Variants in ING5 observed in about 807,000 individuals in gnomAD.
ING5 encodes the protein inhibitor of growth family member 5.
ING5 carries 17 observed loss-of-function variants against 37.4 expected under a neutral mutation model. The observed-to-expected ratio is 0.45, with a 90% CI of 0.31 to 0.68. The LOEUF (loss-of-function observed/expected upper bound fraction) is 0.68. Among genes scored for constraint, ING5 ranks in the 30% least tolerant of loss-of-function variants. The pLI is 0.05. For missense variants in ING5, 233 were observed against 311.9 expected, an observed-to-expected ratio of 0.75 and a Z score of 1.91; for synonymous variants, 123 against 116.6, an observed-to-expected ratio of 1.06 and a Z score of -0.36.
chr2:241,699,041 G>T (rs368302439), upstream of ING5, among the ~76,000 whole-genome samples: 5 of 126,886 alleles, frequency 3.9e-5, no homozygotes, highest in South Asian at 2.5e-4. Flanking sequence ...TTTTTTTTGG[G>T]GGGGGAGGGG....
chr2:241,715,811 T>C (rs1206126479), intron 5 of ING5, among the ~76,000 whole-genome samples: 1 of 150,134 alleles, frequency 6.7e-6, no homozygotes, highest in Non-Finnish European at 1.5e-5. Context: ...TCATGCTACT[T>C]CTTTGCCCTA....
At chr2:241,721,295 C>T (rs1026930502) in intron 5 of ING5, 1 of 985,358 alleles carries the variant, frequency 1.0e-6, no homozygotes, top group African/African-American at 1.7e-5. Flanking sequence ...GAGACTGTTG[C>T]TTGAAAGCAG....
At chr2:241,701,120 A>ATT (rs529886209), upstream of ING5, among the ~76,000 whole-genome samples, 13,649 of 136,366 alleles carry the variant, frequency 0.1, 919 homozygotes, top group East Asian at 0.29. Flanking sequence ...CGCTTGGCTA[A>ATT]TTTTTTTTTT....
intron 5 of ING5, chr2:241,720,693 G>A (rs916928381): frequency 2.9e-5 from 29 of 985,598 alleles, no homozygotes; most frequent in Non-Finnish European, 3.4e-5. Flanking sequence ...TCTGGCGAGG[G>A]GTGCCTGCCA....
At chr2:241,718,666 T>A (rs944979909) in intron 5 of ING5, among the ~76,000 whole-genome samples, 3 of 152,082 alleles carry the variant, frequency 2.0e-5, no homozygotes, top group Non-Finnish European at 4.4e-5. Flanking sequence ...TCTGCCTGTT[T>A]TTGGCCTCCC....
intron 2 of ING5, among the ~76,000 whole-genome samples, chr2:241,707,436 A>G (rs1327180266): frequency 6.6e-6 from 1 of 151,954 alleles, no homozygotes; most frequent in Non-Finnish European, 1.5e-5. Context: ...GATTACAGGC[A>G]TGCGCCACCA....
chr2:241,721,306 T>G (rs2070429376), intron 5 of ING5: 3 of 985,468 alleles, frequency 3.0e-6, no homozygotes, highest in Non-Finnish European at 3.6e-6. Context: ...TTGAAAGCAG[T>G]GTCGGCAGCA....
At chr2:241,691,262 AAC>A (rs1442204794) in intron 2 of ING5, among the ~76,000 whole-genome samples, 1 of 151,576 alleles carries the variant, frequency 6.6e-6, no homozygotes, top group African/African-American at 2.4e-5. Flanking sequence ...AACATGGTGA[AAC>A]ACCGTCTCTA....
exon 1 of ING5, chr2:241,687,350 C>T (rs150596539): frequency 9.4e-4 from 373 of 398,814 alleles, no homozygotes; most frequent in South Asian, 3.2e-3. Context: ...CAAAGCTCAC[C>T]TGGAGCCCAG....
chr2:241,702,112 C>G lies in ING5; in HGVS notation c.37+10C>G. On this transcript the variant is annotated intron_variant, in intron 1 of 7. Transcript: ENST00000313552. Reference sequence around the variant, plus strand: ...GAGCACTATCTGGACAGTAAGCGCGCCCCACGGGCCCCGCGCCCGCCGCCC... The same window carrying G: ...GAGCACTATCTGGACAGTAAGCGCGGCCCACGGGCCCCGCGCCCGCCGCCC... 3.0e-6 allele frequency: 4 copies of G among 1,318,340 alleles called. No homozygotes were observed. Among genetic ancestry groups the G allele is most frequent in the Middle Eastern group, 2.0e-4 (1 of 4,914 alleles). The allele number at this position is 1,318,340 out of a possible 1,614,324, so 81.7% of individuals were successfully genotyped here.
At chr2:241,717,024 A>G (rs886890913) in intron 5 of ING5, among the ~76,000 whole-genome samples, 8 of 151,500 alleles carry the variant, frequency 5.3e-5, no homozygotes, top group African/African-American at 1.9e-4. Context: ...TCTCACCACA[A>G]AAGTCACCCC....
intron 2 of ING5, among the ~76,000 whole-genome samples, chr2:241,708,407 T>C (rs1249799897): frequency 2.0e-5 from 3 of 147,516 alleles, no homozygotes; most frequent in South Asian, 4.3e-4. Flanking sequence ...CGGGGTTTCA[T>C]CAAGTTAGCC....
At chr2:241,708,443 G>A (rs1057425386) in intron 2 of ING5, among the ~76,000 whole-genome samples, 7 of 151,864 alleles carry the variant, frequency 4.6e-5, no homozygotes, top group Admixed American at 2.0e-4. Context: ...TCCTGACCTC[G>A]TGATCTGCCC....
chr2:241,719,525 A>G, intron 5 of ING5: 2 of 1,534,834 alleles, frequency 1.3e-6, no homozygotes, highest in South Asian at 2.4e-5. Flanking sequence ...CCTGCTCGGA[A>G]CCTGAAGGCC....
intron 5 of ING5, among the ~76,000 whole-genome samples, chr2:241,714,678 G>A (rs1440503809): frequency 1.3e-5 from 2 of 151,618 alleles, no homozygotes; most frequent in East Asian, 3.9e-4. Flanking sequence ...GCTCACTGCA[G>A]CCTCCACCTC....
At chr2:241,724,771 G>C (rs1691541305) in intron 7 of ING5, 1 of 449,974 alleles carries the variant, frequency 2.2e-6, no homozygotes, top group Non-Finnish European at 3.7e-6. Flanking sequence ...CTCATTGATG[G>C]TGTATCTGTC....
intron 5 of ING5, chr2:241,721,003 C>G (rs1031473618): frequency 1.0e-6 from 1 of 985,564 alleles, no homozygotes; most frequent in African/African-American, 1.7e-5. Context: ...GGCCAGCGCC[C>G]TCGAACCTGG....
chr2:241,687,518 T>G, exon 1 of ING5: 1 of 373,538 alleles, frequency 2.7e-6, no homozygotes, highest in East Asian at 3.6e-5. Flanking sequence ...AAAGTCCGTG[T>G]GTGTGTTTTT....
intron 7 of ING5, 41 bp from the exon 8 acceptor site, chr2:241,724,948 G>C: frequency 6.2e-7 from 1 of 1,610,282 alleles, no homozygotes; most frequent in Non-Finnish European, 8.5e-7. Flanking sequence ...CGCGCTGGCG[G>C]AAATGGCGCC....
Sources: allele counts gnomAD v4.1 joint callset (sites outside exome capture counted in the v4.1 genomes callset), GRCh38; gene constraint gnomAD v4.1.1; transcripts MANE v1.5; gene names NCBI Gene and HGNC (gene_info 2026-07-23, HGNC 2026-07-21).